RPS6KA2: variants seen among roughly 807,000 people sequenced by gnomAD.
RPS6KA2 encodes ribosomal protein S6 kinase A2.
A neutral mutation model predicts 91.8 loss-of-function variants in RPS6KA2; 42 were observed. That is an observed-to-expected ratio of 0.46 (90% CI 0.36 to 0.59). The LOEUF (loss-of-function observed/expected upper bound fraction) is 0.59. RPS6KA2 is among the 20% of genes least tolerant of loss of function. The pLI is 0.00. For synonymous variants in RPS6KA2, 414 were observed against 393.6 expected (o/e 1.05, Z -0.61); for missense variants, 798 against 978.5 (o/e 0.82, Z 2.46).
chr6:166,637,878 G>A lies in RPS6KA2; in HGVS notation c.124-99094C>T, dbSNP rs555178347. On this transcript the variant is annotated intron_variant, in intron 2 of 21. Coordinates refer to the RPS6KA2 transcript ENST00000503859. ...GGACAGAGCCCACTCCCCAAAGTGG[G>A]GATCCAGCAGGGCGCTGCACTTGGC... is the stretch of plus-strand genomic sequence containing the variant. Among the ~76,000 whole-genome samples the A allele has an allele frequency of 8.0e-4, 122 of 152,378 alleles. 2 individuals carry two copies. Among genetic ancestry groups the A allele is most frequent in the Non-Finnish European group, 1.1e-3 (73 of 68,022 alleles).
intron 2 of RPS6KA2, among the ~76,000 whole-genome samples, chr6:166,801,007 A>G (rs1779351330): frequency 6.6e-6 from 1 of 152,264 alleles, no homozygotes; most frequent in Non-Finnish European, 1.5e-5. Context: ...TGTAACAGAA[A>G]TGAGAGTGAT....
At chr6:166,567,856 T>C (rs918465667) in intron 1 of RPS6KA2, among the ~76,000 whole-genome samples, 4 of 152,156 alleles carry the variant, frequency 2.6e-5, no homozygotes, top group Admixed American at 6.5e-5. Flanking sequence ...TAAGCTTACG[T>C]TTCCCAAGGG....
chr6:166,650,946 A>G (rs984176716), intron 2 of RPS6KA2, among the ~76,000 whole-genome samples: 1 of 152,178 alleles, frequency 6.6e-6, no homozygotes, highest in African/African-American at 2.4e-5. Flanking sequence ...ATCACTTTTT[A>G]AAATTGTTTT....
chr6:166,501,145 C>T (rs1782013691), intron 6 of RPS6KA2, among the ~76,000 whole-genome samples: 1 of 152,174 alleles, frequency 6.6e-6, no homozygotes, highest in Non-Finnish European at 1.5e-5. Context: ...GGTGCCACAC[C>T]TCCTGGATAA....
rs926812829 is a variant in RPS6KA2 at position 166,825,773 on chromosome 6, T to G, written c.123+32427A>C. Among the ~76,000 whole-genome samples the G allele has an allele frequency of 1.6e-4, 25 of 152,166 alleles. No individual in the cohort carries two copies. Among genetic ancestry groups the G allele is most frequent in the Admixed American group, 1.6e-3 (25 of 15,286 alleles). On this transcript the variant is annotated intron_variant, in intron 2 of 21. Transcript: ENST00000503859. The surrounding 1 kb of genome is among the most constrained non-coding windows in gnomAD (Gnocchi z 4.1). Reference sequence around the variant, plus strand: ...TCCCATGAATGAGGCTCCACCCTCATGAACCCATCATCTCCCGAGGCCCCA... The same window carrying G: ...TCCCATGAATGAGGCTCCACCCTCAGGAACCCATCATCTCCCGAGGCCCCA...
chr6:166,860,270 G>GA (rs1781014524), intron 1 of RPS6KA2, among the ~76,000 whole-genome samples: 1 of 152,138 alleles, frequency 6.6e-6, no homozygotes, highest in Non-Finnish European at 1.5e-5. Flanking sequence ...GTGCTCTCCT[G>GA]AAAAAATTCA....
At chr6:166,444,698 C>T (rs1779624086) in intron 14 of RPS6KA2, among the ~76,000 whole-genome samples, 2 of 152,280 alleles carry the variant, frequency 1.3e-5, no homozygotes, top group South Asian at 2.1e-4. Context: ...GGATCTTGGA[C>T]GTTCTAGTGT....
chr6:166,828,700 G>A (rs1291393819), intron 2 of RPS6KA2, among the ~76,000 whole-genome samples: 1 of 152,152 alleles, frequency 6.6e-6, no homozygotes, highest in Admixed American at 6.5e-5. Context: ...AGACCTAAAT[G>A]TAAGACCTAC....
chr6:166,781,420 C>A (rs561943593), intron 2 of RPS6KA2, among the ~76,000 whole-genome samples: 3 of 152,302 alleles, frequency 2.0e-5, no homozygotes, highest in Non-Finnish European at 4.4e-5. Flanking sequence ...GCTGAAGCAA[C>A]ACAATTGGGG....
intron 11 of RPS6KA2, among the ~76,000 whole-genome samples, chr6:166,464,170 G>A (rs1780433937): frequency 6.6e-6 from 1 of 152,102 alleles, no homozygotes. Flanking sequence ...TCCACTTGTG[G>A]GCAAGAAGAC....
chr6:166,527,417 T>A (rs556724714), intron 3 of RPS6KA2, among the ~76,000 whole-genome samples: 1 of 152,294 alleles, frequency 6.6e-6, no homozygotes, highest in East Asian at 1.9e-4. Flanking sequence ...GCTTCCCGCA[T>A]CCACTTGCCT....
intron 19 of RPS6KA2, among the ~76,000 whole-genome samples, chr6:166,414,795 TG>T (rs1321638835): frequency 1.3e-5 from 2 of 152,250 alleles, no homozygotes; most frequent in Non-Finnish European, 2.9e-5. Context: ...CTGGGCGCGT[TG>T]GCTCATGCCT....
At chr6:166,729,035 G>C (rs1233843412) in intron 2 of RPS6KA2, among the ~76,000 whole-genome samples, 1 of 152,238 alleles carries the variant, frequency 6.6e-6, no homozygotes, top group Non-Finnish European at 1.5e-5. Context: ...CACATGGAGT[G>C]CTCCCCTGCG....
rs1009369736 is a variant in RPS6KA2 at position 166,825,693 on chromosome 6, C to T, written c.123+32507G>A. On this transcript the variant is annotated intron_variant, in intron 2 of 21. Coordinates refer to the RPS6KA2 transcript ENST00000503859. This position sits in a 1 kb window ranked among gnomAD's most constrained non-coding sequence, Gnocchi z 4.1. ...TAGACAGCAACTTCTCCCTGTGTCC[C>T]CGGTGGTGGAAGTGGTGAGGGAGCT... 6.6e-6 allele frequency among the ~76,000 whole-genome samples: 1 copy of T among 152,128 alleles called. No individual in the cohort carries two copies. Among genetic ancestry groups the T allele is most frequent in the African/African-American group, 2.4e-5 (1 of 41,428 alleles).
chr6:166,553,587 C>A (rs1784086165), intron 1 of RPS6KA2, among the ~76,000 whole-genome samples: 1 of 151,518 alleles, frequency 6.6e-6, no homozygotes, highest in South Asian at 2.1e-4. Flanking sequence ...GGGAAGGACT[C>A]AGAGACAACT....
At chr6:166,765,300 C>A (rs1288359938) in intron 2 of RPS6KA2, among the ~76,000 whole-genome samples, 1 of 152,164 alleles carries the variant, frequency 6.6e-6, no homozygotes, top group Non-Finnish European at 1.5e-5. Context: ...TCAGCAGGTG[C>A]GTCCAGCACA....
rs113525764 is a variant in RPS6KA2 at position 166,429,179 on chromosome 6, C to T, written c.1581+1274G>A. On this transcript the variant is annotated intron_variant, in intron 16 of 20. Coordinates refer to ENST00000265678, the MANE Select transcript of RPS6KA2 (RefSeq NM_021135.6). ...GAGATCATCATTCTCAGTAAACCGT[C>T]GCAAGGACAAAAAACCAAACACTGC... Among the ~76,000 whole-genome samples, 1,373 of 150,830 alleles carry T rather than the reference C, an allele frequency of 9.1e-3. 16 individuals are homozygous for T. Among genetic ancestry groups the T allele is most frequent in the African/African-American group, 0.029 (1,210 of 41,026 alleles).
intron 2 of RPS6KA2, among the ~76,000 whole-genome samples, chr6:166,752,745 C>A (rs1777886675): frequency 6.6e-6 from 1 of 152,150 alleles, no homozygotes; most frequent in South Asian, 2.1e-4. Context: ...GTCCCCACAC[C>A]ATTTTATGTG....
intron 2 of RPS6KA2, among the ~76,000 whole-genome samples, chr6:166,688,754 C>T (rs4710080): frequency 0.11 from 16,365 of 152,230 alleles, 1,090 homozygotes; most frequent in East Asian, 0.31. Flanking sequence ...CAACAGAAAC[C>T]CCGCATGGGG....
Sources: allele counts gnomAD v4.1 joint callset (sites outside exome capture counted in the v4.1 genomes callset), GRCh38; gene constraint gnomAD v4.1.1; non-coding constraint Gnocchi (gnomAD v3.1); transcripts MANE v1.5; gene names NCBI Gene and HGNC (gene_info 2026-07-23, HGNC 2026-07-21).